Variants in WDFY4 observed in about 807,000 individuals in gnomAD.
The protein encoded by WDFY4 is WDFY family member 4.
In WDFY4, 169 loss-of-function variants were observed where a neutral mutation model predicts 351.9. The observed-to-expected ratio is 0.48, with a 90% CI of 0.42 to 0.55. The LOEUF (loss-of-function observed/expected upper bound fraction) is 0.55. WDFY4 is among the 20% of genes least tolerant of loss of function. The pLI, the probability that WDFY4 is intolerant of heterozygous loss-of-function variation, is 0.00. For missense variants in WDFY4, 3,803 were observed against 3,935.6 expected, an observed-to-expected ratio of 0.97 and a Z score of 0.90; for synonymous variants, 1,622 against 1,574.6, an observed-to-expected ratio of 1.03 and a Z score of -0.71.
At chr10:48,923,947 A>C (rs2133610977) in intron 47 of WDFY4, among the ~76,000 whole-genome samples, 1 of 152,288 alleles carries the variant, frequency 6.6e-6, no homozygotes, top group East Asian at 1.9e-4. Context: ...CCGGTTGCCC[A>C]CAGCCCACCC....
chr10:48,831,800 T>A (rs1478570913), intron 38 of WDFY4, among the ~76,000 whole-genome samples: 1 of 152,220 alleles, frequency 6.6e-6, no homozygotes, highest in African/African-American at 2.4e-5. Flanking sequence ...TGCTATATCC[T>A]CTGTAAGGGA....
At chr10:48,755,072 T>G (rs2065295682) in intron 12 of WDFY4, among the ~76,000 whole-genome samples, 1 of 152,278 alleles carries the variant, frequency 6.6e-6, no homozygotes, top group East Asian at 1.9e-4. Flanking sequence ...CTCCCAGATA[T>G]TGCCCCACAT....
At chr10:48,737,461 G>T (rs2064708923) in intron 11 of WDFY4, among the ~76,000 whole-genome samples, 1 of 152,170 alleles carries the variant, frequency 6.6e-6, no homozygotes, top group African/African-American at 2.4e-5. Context: ...TTTAGAGAAT[G>T]GTGTTTGTTT....
At chr10:48,705,129 G>T (rs73306104) in intron 1 of WDFY4, among the ~76,000 whole-genome samples, 36 of 152,336 alleles carry the variant, frequency 2.4e-4, no homozygotes, top group African/African-American at 8.4e-4. Context: ...CCAAGGTCCA[G>T]ACGTGGTGTC....
intron 52 of WDFY4, among the ~76,000 whole-genome samples, chr10:48,957,975 G>C (rs960309660): frequency 1.3e-5 from 2 of 152,198 alleles, no homozygotes; most frequent in Non-Finnish European, 2.9e-5. Flanking sequence ...GCAGGTCACC[G>C]GCCTGGCTGG....
intron 19 of WDFY4, among the ~76,000 whole-genome samples, chr10:48,783,683 G>A (rs2066300726): frequency 1.3e-5 from 2 of 151,994 alleles, no homozygotes. Flanking sequence ...AAATAGTGTG[G>A]CCTCGAAGTA....
rs957042375 is a variant in WDFY4 at position 48,796,559 on chromosome 10, T to C, written c.4410+109T>C. ...ATGTCAGCTTCCCTCATAGTCATGA[T>C]GGTAGGGAGAGGGAAAACCAAACGA... On this transcript the variant is annotated intron_variant, in intron 24 of 61. Coordinates refer to ENST00000325239, the MANE Select transcript of WDFY4 (RefSeq NM_001394531.1). 10 of 1,412,686 alleles carry C rather than the reference T, an allele frequency of 7.1e-6. No individual in the cohort carries two copies. The African/African-American group carries it at 1.1e-4, about 16-fold the overall frequency. The allele number at this position is 1,412,686 out of a possible 1,614,324, so 87.5% of individuals were successfully genotyped here.
rs577923126 is a variant in WDFY4, at chr10:48,724,738, T to C, written c.592-1143T>C. Among the ~76,000 whole-genome samples the C allele has an allele frequency of 3.9e-5, 6 of 152,174 alleles. No individual in the cohort carries two copies. In the South Asian group the frequency reaches 1.2e-3, roughly 32 times the overall value. On this transcript the variant is annotated intron_variant, in intron 5 of 61. Coordinates refer to ENST00000325239, the MANE Select transcript of WDFY4 (RefSeq NM_001394531.1). ...AGACAGATGGTTGCTGCAGCAAGCA[T>C]AGGGCTTCACTTTGAGAGGTGACAG...
chr10:48,917,904 G>A (rs1183214202), intron 47 of WDFY4, among the ~76,000 whole-genome samples: 5 of 152,164 alleles, frequency 3.3e-5, no homozygotes, highest in South Asian at 2.1e-4. Context: ...CTGTGTGATG[G>A]AGTTGTCAAA....
chr10:48,804,854 C>A (rs1206628940), intron 25 of WDFY4: 8 of 917,372 alleles, frequency 8.7e-6, no homozygotes, highest in Middle Eastern at 5.5e-4. Context: ...TGGTTTGGGG[C>A]GGGCAGGAAG....
At chr10:48,963,735 C>A in intron 53 of WDFY4, 107 bp from the exon 54 acceptor site, 1 of 1,236,060 alleles carries the variant, frequency 8.1e-7, no homozygotes. Context: ...ATTATCTCCT[C>A]TGTGCAGGGC....
intron 44 of WDFY4, among the ~76,000 whole-genome samples, chr10:48,896,832 A>G (rs938406205): frequency 6.6e-6 from 1 of 152,150 alleles, no homozygotes; most frequent in Non-Finnish European, 1.5e-5. Flanking sequence ...CACCTGACTC[A>G]GTTACCTTGT....
rs1443733679 is a variant in WDFY4, at chr10:48,969,069, T to C, written c.8590T>C (p.Tyr2864His). ...RPSQVTVKDM[Y>H]LFSLGSESPK... ...CCATACTAACTGGGGTGTAGATATGTACCTCTTTTCTCTAGGCTCAGAGTC... is the reference window on the plus strand; with the variant it reads ...CCATACTAACTGGGGTGTAGATATGCACCTCTTTTCTCTAGGCTCAGAGTC... The change falls in exon 56 of 62, where the codon TAC becomes CAC. Residue 2864 changes from tyrosine to histidine, a missense_variant. Around this residue, in one of 3 missense-constraint regions of WDFY4, gnomAD observed 3,054 missense variants for 3,148.6 expected, o/e 0.97. Coordinates refer to ENST00000325239, the MANE Select transcript of WDFY4 (RefSeq NM_001394531.1). The C allele has an allele frequency of 2.6e-6, 4 of 1,551,486 alleles. No homozygotes were observed. Among genetic ancestry groups the C allele is most frequent in the Non-Finnish European group, 3.5e-6 (4 of 1,146,818 alleles).
At chr10:48,949,167 G>C (rs1841198082) in intron 51 of WDFY4, among the ~76,000 whole-genome samples, 1 of 152,202 alleles carries the variant, frequency 6.6e-6, no homozygotes, top group Non-Finnish European at 1.5e-5. Flanking sequence ...TTGGGGCTCA[G>C]ATCTGTCTTG....
In WDFY4 at chr10:48,943,979, A is replaced by G. The variant is rs138821786; in HGVS notation, c.7749+530A>G. On this transcript the variant is annotated intron_variant, in intron 49 of 61. Coordinates refer to ENST00000325239, the MANE Select transcript of WDFY4 (RefSeq NM_001394531.1). ...ATCCCCCTGTGGAATGATCAACACA[A>G]CTAACATAGTTGCTAACATGAGCCC... Among the ~76,000 whole-genome samples the G allele has an allele frequency of 1.2e-3, 183 of 152,332 alleles. 2 individuals are homozygous for G. Among genetic ancestry groups the G allele is most frequent in the African/African-American group, 4.3e-3 (180 of 41,574 alleles).
intron 52 of WDFY4, 116 bp downstream of exon 52, chr10:48,957,398 A>G (rs1283273072): frequency 2.3e-5 from 30 of 1,313,918 alleles, no homozygotes; most frequent in Non-Finnish European, 2.6e-5. Context: ...CAGGACCTCA[A>G]CTTCGGGTGA....
chr10:48,949,768 A>C (rs1841230545), intron 51 of WDFY4, among the ~76,000 whole-genome samples: 1 of 152,156 alleles, frequency 6.6e-6, no homozygotes, highest in Admixed American at 6.5e-5. Context: ...CTATTACCAC[A>C]GATAAGCCAG....
intron 57 of WDFY4, among the ~76,000 whole-genome samples, 161 bp from the exon 58 acceptor site, chr10:48,974,701 G>A (rs1029214759): frequency 2.6e-5 from 4 of 152,014 alleles, no homozygotes; most frequent in East Asian, 1.9e-4. Context: ...ACACGCACAT[G>A]CACACACCCC....
intron 11 of WDFY4, among the ~76,000 whole-genome samples, chr10:48,737,300 G>A (rs1006543916): frequency 6.6e-6 from 1 of 151,914 alleles, no homozygotes; most frequent in African/African-American, 2.4e-5. Flanking sequence ...GTGGGCCACC[G>A]TGCCTGGCCA....
Sources: gnomAD v4.1 joint callset for allele counts (sites outside exome capture counted in the v4.1 genomes callset) on GRCh38, gnomAD v4.1.1 for gene constraint, gnomAD v4.1.1 regional missense constraint, MANE v1.5 for transcripts, NCBI Gene and HGNC (gene_info 2026-07-23, HGNC 2026-07-21) for gene names.